The following GPC6 variants were observed in gnomAD, a reference collection of about 807,000 sequenced individuals.
GPC6 encodes the protein glypican-6.
A neutral mutation model predicts 55.2 loss-of-function variants in GPC6; 14 were observed. The observed-to-expected ratio is 0.25, with a 90% CI of 0.17 to 0.40. The LOEUF is 0.40. Ranked by LOEUF, GPC6 falls within the 10% of genes least tolerant of loss-of-function variation. GPC6 has a pLI of 1.00. For synonymous variants in GPC6, 278 were observed against 259.6 expected (o/e 1.07, Z -0.68); for missense variants, 641 against 708.5 (o/e 0.90, Z 1.08).
chr13:93,963,655 G>C (rs1053511874), intron 3 of GPC6, among the ~76,000 whole-genome samples: 4 of 152,142 alleles, frequency 2.6e-5, no homozygotes, highest in African/African-American at 7.2e-5. Context: ...AATCATCTCC[G>C]TTAGACAGAT....
In GPC6 at chr13:93,750,813, G is replaced by A. The variant is rs1415592218; in HGVS notation, c.320-79341G>A. ...AGGCATTTGGTAGCTGCTTAGTATGGTTTTAACTGCCTTGTTTCTGAACTA... is the reference window on the plus strand; with the variant it reads ...AGGCATTTGGTAGCTGCTTAGTATGATTTTAACTGCCTTGTTTCTGAACTA... On this transcript the variant is annotated intron_variant, in intron 2 of 8. Transcript: ENST00000377047. 2.0e-5 allele frequency among the ~76,000 whole-genome samples: 3 copies of A among 152,044 alleles called. No individual in the cohort carries two copies. In the South Asian group the frequency reaches 6.2e-4, roughly 31 times the overall value.
chr13:94,150,837 T>TATA (rs1555301323), intron 4 of GPC6, among the ~76,000 whole-genome samples: 7 of 144,434 alleles, frequency 4.8e-5, no homozygotes, highest in Admixed American at 6.9e-5. Context: ...TATATGTTTA[T>TATA]TGAATGAGTA....
At chr13:94,383,323 C>T (rs1260778215) in intron 7 of GPC6, among the ~76,000 whole-genome samples, 2 of 152,138 alleles carry the variant, frequency 1.3e-5, no homozygotes, top group Non-Finnish European at 1.5e-5. Context: ...AAATTGGACT[C>T]AAGGGATCTT....
chr13:93,859,146 A>T (rs1174756654), intron 3 of GPC6, among the ~76,000 whole-genome samples: 1 of 151,518 alleles, frequency 6.6e-6, no homozygotes, highest in Non-Finnish European at 1.5e-5. Context: ...CTGGTATTTT[A>T]TTCTTGGCAT....
chr13:93,258,526 A>G (rs775522322), intron 1 of GPC6, among the ~76,000 whole-genome samples: 2 of 152,006 alleles, frequency 1.3e-5, no homozygotes, highest in Non-Finnish European at 2.9e-5. Flanking sequence ...CTTCACCCCC[A>G]AGTTTCTGTA....
intron 6 of GPC6, among the ~76,000 whole-genome samples, chr13:94,341,003 A>G (rs529324543): frequency 7.2e-5 from 11 of 152,332 alleles, no homozygotes; most frequent in African/African-American, 1.9e-4. Flanking sequence ...ATTATCTTCT[A>G]TTGTTACCTC....
At chr13:93,626,138 T>C (rs565426008) in intron 2 of GPC6, among the ~76,000 whole-genome samples, 8 of 152,296 alleles carry the variant, frequency 5.3e-5, no homozygotes, top group African/African-American at 1.7e-4. Context: ...CCTAGCTGAA[T>C]AGCATCCTGT....
At chr13:93,944,210 A>T (rs865916143) in intron 3 of GPC6, among the ~76,000 whole-genome samples, 42 of 69,662 alleles carry the variant, frequency 6.0e-4, no homozygotes, top group African/African-American at 1.9e-3. Flanking sequence ...TTATTTATTT[A>T]TTTATTTTTT....
intron 4 of GPC6, among the ~76,000 whole-genome samples, chr13:94,041,523 A>C (rs1883532735): frequency 6.6e-6 from 1 of 151,844 alleles, no homozygotes; most frequent in Non-Finnish European, 1.5e-5. Flanking sequence ...TGCTTCCAGA[A>C]ATAAGAATGA....
intron 1 of GPC6, among the ~76,000 whole-genome samples, chr13:93,487,136 A>G (rs1244500686): frequency 6.6e-6 from 1 of 152,198 alleles, no homozygotes; most frequent in Non-Finnish European, 1.5e-5. Flanking sequence ...AGTGTTAAAT[A>G]TCTTGACTGT....
In GPC6 at chr13:93,596,868, C is replaced by T. The variant is rs972566911; in HGVS notation, c.319+51447C>T. Among the ~76,000 whole-genome samples the T allele has an allele frequency of 6.0e-5, 9 of 148,876 alleles. 1 individual carries two copies. The East Asian group carries it at 1.2e-3, about 19-fold the overall frequency. On this transcript the variant is annotated intron_variant, in intron 2 of 8. Coordinates refer to ENST00000377047, the MANE Select transcript of GPC6 (RefSeq NM_005708.5). ...TAAAATTTATAATGAAGAATTGGCT[C>T]GTGTGATTATGGAGCCTAAGAAGTG...
chr13:93,872,410 G>A (rs887290277), intron 3 of GPC6, among the ~76,000 whole-genome samples: 2 of 151,956 alleles, frequency 1.3e-5, no homozygotes, highest in South Asian at 4.1e-4. Flanking sequence ...ACTGCTGTAA[G>A]AAATTACTGC....
intron 2 of GPC6, among the ~76,000 whole-genome samples, chr13:93,647,423 A>C (rs184786651): frequency 7.2e-5 from 11 of 152,182 alleles, no homozygotes; most frequent in African/African-American, 2.7e-4. Context: ...TCTATGGCAC[A>C]AGGTGGAAAG....
chr13:94,101,752 T>C (rs1885868673), intron 4 of GPC6, among the ~76,000 whole-genome samples: 2 of 152,002 alleles, frequency 1.3e-5, no homozygotes, highest in South Asian at 4.1e-4. Flanking sequence ...AAAATGTAAA[T>C]GTTTGTTGAT....
intron 4 of GPC6, among the ~76,000 whole-genome samples, chr13:94,081,858 T>TTTTTTTTTTTTTTTTA (rs1885109268): frequency 1.3e-5 from 2 of 151,048 alleles, no homozygotes; most frequent in African/African-American, 4.9e-5. Flanking sequence ...TTTTTTTTTT[T>TTTTTTTTTTTTTTTTA]GAGACACAGT....
chr13:93,676,876 A>G (rs1881653598), intron 2 of GPC6, among the ~76,000 whole-genome samples: 1 of 151,202 alleles, frequency 6.6e-6, no homozygotes, highest in Admixed American at 6.6e-5. Context: ...ATGGTCTGGA[A>G]CTCTATCTCG....
intron 1 of GPC6, among the ~76,000 whole-genome samples, chr13:93,528,698 C>T (rs943409780): frequency 4.5e-4 from 69 of 152,188 alleles, no homozygotes; most frequent in African/African-American, 1.4e-3. Context: ...CTGAAATTTG[C>T]AACATATTTA....
At chr13:93,653,917 A>G (rs958753432) in intron 2 of GPC6, among the ~76,000 whole-genome samples, 2 of 152,200 alleles carry the variant, frequency 1.3e-5, no homozygotes, top group Non-Finnish European at 2.9e-5. Context: ...GTCATGCAAC[A>G]TCACACTTTT....
At chr13:93,941,200 G>C (rs1878720094) in intron 3 of GPC6, among the ~76,000 whole-genome samples, 1 of 152,088 alleles carries the variant, frequency 6.6e-6, no homozygotes. Flanking sequence ...AAAAACCCTT[G>C]AGCAGCAACA....
Sources: allele counts gnomAD v4.1 joint callset (sites outside exome capture counted in the v4.1 genomes callset), GRCh38; gene constraint gnomAD v4.1.1; transcripts MANE v1.5; gene names NCBI Gene and HGNC (gene_info 2026-07-23, HGNC 2026-07-21).